UACA: variants seen among roughly 807,000 people sequenced by gnomAD.
UACA encodes the protein nuclear membrane binding protein.
UACA carries 112 observed loss-of-function variants against 160.5 expected under a neutral mutation model. The observed-to-expected ratio is 0.70, with a 90% CI of 0.60 to 0.82. UACA has a LOEUF of 0.82. Ranked by LOEUF, UACA falls within the 40% of genes least tolerant of loss-of-function variation. The probability of loss-of-function intolerance (pLI) is 0.00; values close to 1 mark genes in which losing one functional copy is unlikely to be tolerated. For missense variants in UACA, 1,574 were observed against 1,614.6 expected, an observed-to-expected ratio of 0.97 and a Z score of 0.43; for synonymous variants, 557 against 568.4, an observed-to-expected ratio of 0.98 and a Z score of 0.29.
chr15:70,740,207 A>C (rs533299563), intron 1 of UACA, among the ~76,000 whole-genome samples: 17 of 152,306 alleles, frequency 1.1e-4, no homozygotes, highest in Non-Finnish European at 1.6e-4. Flanking sequence ...TAATATTGTA[A>C]ATTGTAATCT....
rs1898271440 is a variant in UACA at position 70,699,721 on chromosome 15, G to A, written c.79-61C>T. On this transcript the variant is annotated intron_variant, in intron 1 of 18. Coordinates refer to ENST00000322954, the MANE Select transcript of UACA (RefSeq NM_018003.4). ...CTACATTAGTTAAGATTTTTCTAAA[G>A]AAAGAAAAAAGAGAGAAAGGAAAGC... The A allele has an allele frequency of 2.6e-6, 4 of 1,564,910 alleles. No homozygotes were observed. In the South Asian group the frequency reaches 3.5e-5, roughly 14 times the overall value.
chr15:70,766,962 C>T (rs1029343188), upstream of UACA, among the ~76,000 whole-genome samples: 7 of 152,144 alleles, frequency 4.6e-5, no homozygotes, highest in African/African-American at 1.4e-4. Flanking sequence ...CACAGAGGGC[C>T]GGGCACAGTG....
chr15:70,666,628 G>A, intron 16 of UACA, 96 bp downstream of exon 16: 1 of 1,040,822 alleles, frequency 9.6e-7, no homozygotes, highest in South Asian at 2.2e-5. Context: ...GGGTCACTTT[G>A]TTAATACCTG....
rs1365436121 is a variant in UACA, at chr15:70,706,661, A to G, written c.79-7001T>C. On this transcript the variant is annotated intron_variant, in intron 1 of 18. Coordinates refer to ENST00000322954, the MANE Select transcript of UACA (RefSeq NM_018003.4). The stretch of plus-strand genomic sequence containing the variant: ...TCAGTTGCATTTCTATATAATAACA[A>G]TGAACAATCCAAGACAAAATTAAAC... 2.0e-5 allele frequency among the ~76,000 whole-genome samples: 3 copies of G among 152,184 alleles called. No individual in the cohort carries two copies. The East Asian group carries it at 5.8e-4, about 29-fold the overall frequency.
rs1288295243 is a variant in UACA, at chr15:70,679,668, C to T, written c.831G>A (p.Leu277=). The T allele has an allele frequency of 4.4e-6, 7 of 1,587,292 alleles. No homozygotes were observed. The Admixed American group carries it at 8.9e-5, about 20-fold the overall frequency. The change falls in exon 10 of 19, where the codon TTG becomes TTA. Residue 277 remains leucine (L), a synonymous_variant. Transcript: ENST00000322954. ...CATTTACTTCATCTTGCATGTGTGT[C>T]AAATTTCGCTTTGGTAAAACATAAG... ...KKGPSLQQRN[L]THMQDEVNVK...
At chr15:70,752,504 A>T (rs1172325663) in intron 1 of UACA, among the ~76,000 whole-genome samples, 2 of 152,110 alleles carry the variant, frequency 1.3e-5, no homozygotes, top group Non-Finnish European at 2.9e-5. Flanking sequence ...ATGATGTATT[A>T]TATGTGTTCT....
chr15:70,668,938 G>A lies in UACA; in HGVS notation c.1746C>T (p.Gly582=). 1 of 1,613,604 alleles carries A rather than the reference G, an allele frequency of 6.2e-7. No individual in the cohort carries two copies. Residue 582 remains glycine (G), a synonymous_variant, in exon 16 of 19, where the codon GGC becomes GGT. Transcript: ENST00000322954. ...ATCGCTTATTTTCTTCTATCAGCTT[G>A]CCTTCATCCCTCTTAAACTCTTCTA... is the stretch of plus-strand genomic sequence containing the variant. ...MIVEEFKRDE[G]KLIEENKRLQ...
At chr15:70,741,802 T>C (rs977846397) in intron 1 of UACA, among the ~76,000 whole-genome samples, 3 of 152,204 alleles carry the variant, frequency 2.0e-5, no homozygotes, top group African/African-American at 7.2e-5. Context: ...TCACTACTTT[T>C]GGTCCTCTTT....
chr15:70,675,751 G>C (rs1440039083), intron 13 of UACA, among the ~76,000 whole-genome samples: 1 of 152,182 alleles, frequency 6.6e-6, no homozygotes, highest in African/African-American at 2.4e-5. Flanking sequence ...GCTATGGTCT[G>C]AATGTCTGCC....
At chr15:70,773,282 C>T in the UACA span, among the ~76,000 whole-genome samples, 1 of 152,178 alleles carries the variant, frequency 6.6e-6, no homozygotes, top group Admixed American at 6.5e-5. Flanking sequence ...ATAGCTTTCA[C>T]CAAACAATTT....
chr15:70,749,145 G>C, intron 1 of UACA: 2 of 387,610 alleles, frequency 5.2e-6, no homozygotes, highest in Non-Finnish European at 1.0e-5. Context: ...GTTAACTTTC[G>C]GATCTAAGTA....
chr15:70,713,187 T>C (rs547681787), intron 1 of UACA, among the ~76,000 whole-genome samples: 12 of 152,196 alleles, frequency 7.9e-5, no homozygotes, highest in African/African-American at 2.9e-4. Flanking sequence ...TAGTCTCTAC[T>C]AAAAATACAA....
chr15:70,737,701 C>T (rs1174461315), intron 1 of UACA, among the ~76,000 whole-genome samples: 1 of 151,970 alleles, frequency 6.6e-6, no homozygotes, highest in African/African-American at 2.4e-5. Context: ...GAGTGAAACT[C>T]CATCTCAAAA....
the UACA span, among the ~76,000 whole-genome samples, chr15:70,771,239 C>T: frequency 6.6e-6 from 1 of 152,224 alleles, no homozygotes; most frequent in Non-Finnish European, 1.5e-5. Flanking sequence ...CTTATGTTCA[C>T]TATTGGAGAT....
At chr15:70,766,398 G>T (rs1215709081), upstream of UACA, among the ~76,000 whole-genome samples, 1 of 150,828 alleles carries the variant, frequency 6.6e-6, no homozygotes, top group Non-Finnish European at 1.5e-5. Flanking sequence ...ATGACCTTTT[G>T]TTTGTTATCA....
At chr15:70,714,175 T>C (rs1452747194) in intron 1 of UACA, among the ~76,000 whole-genome samples, 1 of 152,290 alleles carries the variant, frequency 6.6e-6, no homozygotes, top group African/African-American at 2.4e-5. Flanking sequence ...TCCTTGAAGA[T>C]TAGGCTGCAC....
chr15:70,735,236 AC>A (rs1899329413), intron 1 of UACA, among the ~76,000 whole-genome samples: 1 of 149,788 alleles, frequency 6.7e-6, no homozygotes. Context: ...AAAACTGCAT[AC>A]TGCGTACTAT....
At position 70,667,102 on chromosome 15, in the gene UACA, G is replaced by C. The variant is rs1443519032; in HGVS notation, c.3582C>G (p.Ser1194Arg). 1 of 1,612,440 alleles carries C rather than the reference G, an allele frequency of 6.2e-7. No individual in the cohort carries two copies. The highest frequency in any genetic ancestry group is 2.2e-5 in the East Asian group (1 of 44,854). Residue 1194 changes from serine to arginine, a missense_variant, in exon 16 of 19, where the codon AGC becomes AGG. Ser to Arg is a moderately radical substitution (Grantham distance 110). Coordinates refer to ENST00000322954, the MANE Select transcript of UACA (RefSeq NM_018003.4). ...KASLREKEEE[S>R]QNKMEEVSKL... The stretch of plus-strand genomic sequence containing the variant: ...TGGAGACTTCTTCCATTTTGTTTTG[G>C]CTTTCTTCTTCCTTTTCTCTCAAGC...
At chr15:70,746,032 T>C (rs1252249493) in intron 1 of UACA, among the ~76,000 whole-genome samples, 1 of 152,120 alleles carries the variant, frequency 6.6e-6, no homozygotes, top group East Asian at 1.9e-4. Flanking sequence ...ATAAAAACCC[T>C]AGAAGAGAAT....
Sources: gnomAD v4.1 joint callset for allele counts (sites outside exome capture counted in the v4.1 genomes callset) on GRCh38, gnomAD v4.1.1 for gene constraint, MANE v1.5 for transcripts, NCBI Gene and HGNC (gene_info 2026-07-23, HGNC 2026-07-21) for gene names.